CPNE8: variants seen among roughly 807,000 people sequenced by gnomAD.
CPNE8 encodes copine 8.
In CPNE8, 45 loss-of-function variants were observed where a neutral mutation model predicts 81.5. That is an observed-to-expected ratio of 0.55 (90% confidence interval 0.44 to 0.71). CPNE8 has a LOEUF of 0.71. Among genes scored for constraint, CPNE8 ranks in the 30% least tolerant of loss-of-function variants. The pLI is 0.00. For synonymous variants in CPNE8, 252 were observed against 226.3 expected, an observed-to-expected ratio of 1.11 and a Z score of -1.02; for missense variants, 594 against 672.1, an observed-to-expected ratio of 0.88 and a Z score of 1.28.
intron 14 of CPNE8, among the ~76,000 whole-genome samples, chr12:38,702,649 TAATA>T (rs1024599919): frequency 6.6e-6 from 1 of 152,070 alleles, no homozygotes; most frequent in Non-Finnish European, 1.5e-5. Context: ...TTTCAATATA[TAATA>T]AATCTGAATG....
At chr12:38,902,223 G>GAGAAAGAAGGAA (rs1555172086) in intron 1 of CPNE8, among the ~76,000 whole-genome samples, 1 of 111,368 alleles carries the variant, frequency 9.0e-6, no homozygotes, top group East Asian at 2.4e-4. Flanking sequence ...GAAAGAGAAA[G>GAGAAAGAAGGAA]AGAAAGAAGG....
chr12:38,692,113 G>A (rs973258221), intron 15 of CPNE8, among the ~76,000 whole-genome samples: 12 of 151,976 alleles, frequency 7.9e-5, no homozygotes, highest in Non-Finnish European at 4.4e-5. Context: ...CCAACACAGT[G>A]AAACCCCATC....
At chr12:38,723,037 C>G (rs1249737356) in intron 13 of CPNE8, among the ~76,000 whole-genome samples, 5 of 152,154 alleles carry the variant, frequency 3.3e-5, no homozygotes, top group Non-Finnish European at 7.4e-5. Flanking sequence ...TAAGGCCTCC[C>G]CAGACATGAG....
chr12:38,685,469 C>A (rs371442242), intron 16 of CPNE8, 21 bp downstream of exon 16: 1 of 1,609,734 alleles, frequency 6.2e-7, no homozygotes, highest in Non-Finnish European at 8.5e-7. Flanking sequence ...AGAATAAGCA[C>A]CTTGTCTACT....
chr12:38,667,697 A>G (rs1302562740), intron 19 of CPNE8, among the ~76,000 whole-genome samples: 1 of 152,166 alleles, frequency 6.6e-6, no homozygotes, highest in Non-Finnish European at 1.5e-5. Context: ...ACATGGCAGA[A>G]TCCCTTGAGT....
chr12:38,787,762 A>G (rs148511083), intron 6 of CPNE8, among the ~76,000 whole-genome samples: 1 of 151,702 alleles, frequency 6.6e-6, no homozygotes, highest in Non-Finnish European at 1.5e-5. Context: ...AAGACAAGAC[A>G]TTACAACTGA....
rs115717528 is a variant in CPNE8, at chr12:38,858,983, G to A, written c.187-10321C>T. ...TCAAAACCATATACGTAAAGCCTAC[G>A]GCAACATCATACTCGTTGGTGAAAA... On this transcript the variant is annotated intron_variant, in intron 3 of 19. Transcript: ENST00000331366. Among the ~76,000 whole-genome samples the A allele has an allele frequency of 3.8e-3, 575 of 152,112 alleles. 3 individuals are homozygous for A. The highest frequency in any genetic ancestry group is 0.013 in the African/African-American group (533 of 41,466).
rs528627416 is a variant in CPNE8, at chr12:38,685,343, T to A, written c.1271+147A>T. ...AGTATCATGATCGTTTGATAGAGAC[T>A]CTTTCTAACATACATTTTTTCCCCA... On this transcript the variant is annotated intron_variant, in intron 16 of 19. Coordinates refer to ENST00000331366, the MANE Select transcript of CPNE8 (RefSeq NM_153634.3). 1.7e-5 allele frequency: 12 copies of A among 727,040 alleles called. No homozygotes were observed. The South Asian group carries it at 2.5e-4, about 15-fold the overall frequency. 45.0% of individuals were successfully genotyped at this position (727,040 alleles called of 1,614,324 possible).
chr12:38,889,808 C>T (rs1944285608), intron 1 of CPNE8, among the ~76,000 whole-genome samples: 3 of 152,036 alleles, frequency 2.0e-5, no homozygotes, highest in Admixed American at 2.0e-4. Flanking sequence ...AGAGACGATA[C>T]GGAAGTAGAA....
chr12:38,894,815 A>T (rs958237699), intron 1 of CPNE8, among the ~76,000 whole-genome samples: 3 of 152,084 alleles, frequency 2.0e-5, no homozygotes, highest in African/African-American at 7.2e-5. Flanking sequence ...ATAGGAGTAC[A>T]TTTAGATAAA....
chr12:38,862,017 T>C (rs1206472841), intron 3 of CPNE8, among the ~76,000 whole-genome samples: 2 of 152,140 alleles, frequency 1.3e-5, no homozygotes, highest in East Asian at 1.9e-4. Context: ...CATCAAAGGG[T>C]ACTAATATCA....
At chr12:38,676,925 A>G (rs949349105) in intron 17 of CPNE8, among the ~76,000 whole-genome samples, 7 of 152,138 alleles carry the variant, frequency 4.6e-5, no homozygotes, top group Non-Finnish European at 1.0e-4. Context: ...ACATTGCTAA[A>G]CCTAGAGACT....
chr12:38,779,387 C>G (rs1011094870), intron 6 of CPNE8, among the ~76,000 whole-genome samples: 10 of 152,014 alleles, frequency 6.6e-5, no homozygotes, highest in Admixed American at 2.0e-4. Flanking sequence ...ACAGCCAACC[C>G]ACAGCATAAA....
intron 6 of CPNE8, among the ~76,000 whole-genome samples, chr12:38,783,968 C>G (rs1945410440): frequency 6.6e-6 from 1 of 152,228 alleles, no homozygotes; most frequent in South Asian, 2.1e-4. Flanking sequence ...GTTCAATGAA[C>G]ATCTACAAGT....
chr12:38,735,244 G>C (rs1193022022), intron 10 of CPNE8, among the ~76,000 whole-genome samples: 3 of 102,788 alleles, frequency 2.9e-5, no homozygotes, highest in Non-Finnish European at 6.6e-5. Context: ...TTTGAAAATG[G>C]AGCAGTCACG....
chr12:38,853,477 G>T (rs1943680413), intron 3 of CPNE8, among the ~76,000 whole-genome samples: 1 of 151,638 alleles, frequency 6.6e-6, no homozygotes, highest in Non-Finnish European at 1.5e-5. Flanking sequence ...CGGAAGCCAA[G>T]CACTTTTACA....
intron 6 of CPNE8, among the ~76,000 whole-genome samples, chr12:38,811,359 G>C (rs1182492826): frequency 6.6e-6 from 1 of 151,934 alleles, no homozygotes; most frequent in African/African-American, 2.4e-5. Flanking sequence ...CTAGATACTA[G>C]GCAAATCTAT....
chr12:38,684,898 G>A (rs34319231), intron 16 of CPNE8, among the ~76,000 whole-genome samples: 13,292 of 152,160 alleles, frequency 0.087, 803 homozygotes, highest in Non-Finnish European at 0.13. Flanking sequence ...TGATAAGTAT[G>A]TATAGATTTA....
At chr12:38,730,203 T>C in intron 11 of CPNE8, 80 bp downstream of exon 11, 3 of 868,442 alleles carry the variant, frequency 3.5e-6, no homozygotes, top group East Asian at 2.5e-5. Flanking sequence ...TTGGCAATTA[T>C]GCTTTGCAGA....
Sources: allele counts gnomAD v4.1 joint callset (sites outside exome capture counted in the v4.1 genomes callset), GRCh38; gene constraint gnomAD v4.1.1; transcripts MANE v1.5; gene names NCBI Gene and HGNC (gene_info 2026-07-23, HGNC 2026-07-21).